Variants in SLC25A48 observed in about 807,000 individuals in gnomAD.
SLC25A48 encodes the protein CTC-321K16.1.
A neutral mutation model predicts 32.2 loss-of-function variants in SLC25A48; 29 were observed. The ratio of observed to expected loss-of-function variants is 0.90; its 90% CI spans 0.67 to 1.23. The LOEUF (loss-of-function observed/expected upper bound fraction) is 1.23, where lower values mean the gene tolerates loss of function less well. SLC25A48 is among the 50% of genes most tolerant of loss of function. The probability of loss-of-function intolerance (pLI) is 0.00; values close to 1 mark genes in which losing one functional copy is unlikely to be tolerated. For missense variants in SLC25A48, 399 were observed against 422.7 expected, an observed-to-expected ratio of 0.94 and a Z score of 0.49; for synonymous variants, 164 against 172.3, an observed-to-expected ratio of 0.95 and a Z score of 0.38.
At chr5:135,778,602 C>T (rs116462310) in intron 3 of SLC25A48, among the ~76,000 whole-genome samples, 4,843 of 148,596 alleles carry the variant, frequency 0.033, 249 homozygotes, top group African/African-American at 0.11. Context: ...ATATTTCAGG[C>T]GGTGTACACC....
chr5:135,787,797 C>A (rs1358218449), intron 3 of SLC25A48, among the ~76,000 whole-genome samples: 2 of 151,296 alleles, frequency 1.3e-5, no homozygotes, highest in African/African-American at 4.9e-5. Context: ...GGGGATATTA[C>A]TCCTAATGTC....
chr5:135,880,000 G>A lies in SLC25A48; in HGVS notation c.846G>A (p.Val282=). The A allele has an allele frequency of 6.5e-7, 1 of 1,536,466 alleles. No homozygotes were observed. The highest frequency in any genetic ancestry group is 1.2e-5 in the South Asian group (1 of 84,060). The part of the protein sequence containing the change: ...VFFRGITVNA[V]RGFPMSAAMF... ...TCAGAGGCATCACTGTGAACGCGGTGCGGGGCTTCCCCATGAGTGCGGCCA... is the reference window on the plus strand; with the variant it reads ...TCAGAGGCATCACTGTGAACGCGGTACGGGGCTTCCCCATGAGTGCGGCCA... Residue 282 remains valine (V), a synonymous_variant, in exon 7 of 8, where the codon GTG becomes GTA. Transcript: ENST00000681962.
chr5:135,724,073 G>A (rs755077813), intron 3 of SLC25A48, among the ~76,000 whole-genome samples: 8 of 152,152 alleles, frequency 5.3e-5, no homozygotes, highest in Non-Finnish European at 1.2e-4. Context: ...TTTTTCAGCA[G>A]CACAACCAGA....
intron 3 of SLC25A48, among the ~76,000 whole-genome samples, chr5:135,723,370 T>A (rs1376391097): frequency 1.8e-5 from 1 of 54,866 alleles, no homozygotes; most frequent in Non-Finnish European, 5.2e-5. Flanking sequence ...TCACTCTCTC[T>A]CTCTCTCTCT....
At chr5:135,766,456 C>G (rs961409056) in intron 3 of SLC25A48, among the ~76,000 whole-genome samples, 2 of 151,196 alleles carry the variant, frequency 1.3e-5, no homozygotes, top group African/African-American at 4.9e-5. Flanking sequence ...TATTACTCCT[C>G]ATATCACAAG....
intron 3 of SLC25A48, among the ~76,000 whole-genome samples, chr5:135,809,134 C>T (rs1300014413): frequency 6.6e-6 from 1 of 150,788 alleles, no homozygotes; most frequent in Non-Finnish European, 1.5e-5. Context: ...AGACCCATCT[C>T]TACAAAAAAA....
intron 3 of SLC25A48, among the ~76,000 whole-genome samples, chr5:135,646,068 G>GA (rs1372835443): frequency 6.6e-6 from 1 of 151,804 alleles, no homozygotes; most frequent in African/African-American, 2.4e-5. Flanking sequence ...TTTGAATCTT[G>GA]AAAAAAAATC....
intron 2 of SLC25A48, among the ~76,000 whole-genome samples, chr5:135,846,616 A>G (rs895855796): frequency 2.6e-5 from 4 of 152,102 alleles, no homozygotes; most frequent in African/African-American, 9.7e-5. Flanking sequence ...TTCCAATGGG[A>G]GAGAAACCAT....
chr5:135,672,838 C>T (rs888972548), intron 3 of SLC25A48, among the ~76,000 whole-genome samples: 5 of 152,144 alleles, frequency 3.3e-5, no homozygotes, highest in African/African-American at 9.7e-5. Context: ...TCCATCACTC[C>T]TAACAGATTG....
intron 2 of SLC25A48, among the ~76,000 whole-genome samples, chr5:135,847,559 TC>T (rs1759524602): frequency 6.6e-6 from 1 of 152,234 alleles, no homozygotes; most frequent in South Asian, 2.1e-4. Context: ...GGGAGGATGA[TC>T]CTGGATTATC....
At chr5:135,831,048 A>T (rs1398478152), upstream of SLC25A48, among the ~76,000 whole-genome samples, 1 of 152,090 alleles carries the variant, frequency 6.6e-6, no homozygotes, top group African/African-American at 2.4e-5. Flanking sequence ...GATCTGAAGG[A>T]GGTAGGAGTC....
intron 3 of SLC25A48, among the ~76,000 whole-genome samples, chr5:135,768,630 C>A (rs1218508440): frequency 6.6e-6 from 1 of 151,320 alleles, no homozygotes; most frequent in Admixed American, 6.6e-5. Flanking sequence ...GGATTGTTGA[C>A]CCCCCTGTTA....
At chr5:135,722,893 C>T (rs769030230) in intron 3 of SLC25A48, among the ~76,000 whole-genome samples, 18 of 152,236 alleles carry the variant, frequency 1.2e-4, no homozygotes, top group Non-Finnish European at 1.9e-4. Context: ...TAGCTTTTCC[C>T]AGGCAGAGTC....
chr5:135,799,402 G>A (rs1757266138), intron 3 of SLC25A48, among the ~76,000 whole-genome samples: 1 of 150,998 alleles, frequency 6.6e-6, no homozygotes, highest in African/African-American at 2.4e-5. Context: ...CCCCCGCCCC[G>A]TGATATTGTT....
Position 135,625,253 on chromosome 5 carries a change from G to A in SLC25A48, c.-848-3984G>A, listed in dbSNP as rs192199009. Among the ~76,000 whole-genome samples, 399 of 152,266 alleles carry A rather than the reference G, an allele frequency of 2.6e-3. 1 individual carries two copies. Among genetic ancestry groups the A allele is most frequent in the African/African-American group, 9.2e-3 (382 of 41,548 alleles). On this transcript the variant is annotated intron_variant, in intron 1 of 10. Coordinates refer to the SLC25A48 transcript ENST00000646290. ...GAAGAGTCCTGCAGGAGGACAAAAG[G>A]CATGGGCACAGGCACAGAGGCTGCA...
At chr5:135,583,439 C>T (rs1751279994) in intron 1 of SLC25A48, among the ~76,000 whole-genome samples, 1 of 151,900 alleles carries the variant, frequency 6.6e-6, no homozygotes, top group Non-Finnish European at 1.5e-5. Context: ...GCAATTCCTT[C>T]CCCCATTCTT....
At chr5:135,813,183 T>A (rs4976462) in intron 4 of SLC25A48, 53,717 of 152,292 alleles carry the variant, frequency 0.35, 9,621 homozygotes, top group East Asian at 0.44. Context: ...CTAATACCAC[T>A]CACCCTCTGC....
intron 3 of SLC25A48, among the ~76,000 whole-genome samples, chr5:135,786,884 A>G (rs984555390): frequency 3.9e-5 from 6 of 151,924 alleles, no homozygotes; most frequent in African/African-American, 7.3e-5. Context: ...GCTACTCTTA[A>G]TGTCACAGTA....
At chr5:135,685,293 T>C (rs1753995867) in intron 3 of SLC25A48, among the ~76,000 whole-genome samples, 1 of 150,592 alleles carries the variant, frequency 6.6e-6, no homozygotes, top group African/African-American at 2.4e-5. Context: ...AAACTCTTTA[T>C]ATATTATTTT....
Sources: allele counts gnomAD v4.1 joint callset (sites outside exome capture counted in the v4.1 genomes callset), GRCh38; gene constraint gnomAD v4.1.1; transcripts MANE v1.5; gene names NCBI Gene and HGNC (gene_info 2026-07-23, HGNC 2026-07-21).